Variants in NKAIN2 observed in about 807,000 individuals in gnomAD.
NKAIN2 encodes sodium/potassium-transporting ATPase subunit beta-1-interacting protein 2.
NKAIN2 carries 14 observed loss-of-function variants against 32.6 expected under a neutral mutation model. That is an observed-to-expected ratio of 0.43 (90% confidence interval 0.28 to 0.67). The LOEUF is 0.67. Among genes scored for constraint, NKAIN2 ranks in the 30% least tolerant of loss-of-function variants. The pLI is 0.17. For synonymous variants in NKAIN2, 80 were observed against 87.2 expected (o/e 0.92, Z 0.46); for missense variants, 198 against 258.3 (o/e 0.77, Z 1.60).
intron 1 of NKAIN2, among the ~76,000 whole-genome samples, chr6:124,083,099 CGTAT>C (rs201422511): frequency 0.035 from 5,285 of 151,860 alleles, 276 homozygotes; most frequent in African/African-American, 0.12. Context: ...AGACTTTATA[CGTAT>C]ACCAAAGGAA....
intron 4 of NKAIN2, among the ~76,000 whole-genome samples, chr6:124,777,497 G>A (rs551042750): frequency 1.3e-5 from 2 of 152,212 alleles, no homozygotes; most frequent in Admixed American, 6.5e-5. Flanking sequence ...GTGATTGTGA[G>A]GAGTAAGAAT....
chr6:124,030,578 C>T (rs986269830), intron 1 of NKAIN2, among the ~76,000 whole-genome samples: 3 of 152,162 alleles, frequency 2.0e-5, no homozygotes, highest in Non-Finnish European at 4.4e-5. Context: ...AAAGTATTTA[C>T]AGTCTTTTCT....
chr6:124,790,807 A>G (rs1239448232), intron 4 of NKAIN2, among the ~76,000 whole-genome samples: 2 of 152,038 alleles, frequency 1.3e-5, no homozygotes, highest in Non-Finnish European at 2.9e-5. Flanking sequence ...CCATCTCGTC[A>G]CTTCTCTGTA....
chr6:123,946,280 T>C (rs1562271773), intron 1 of NKAIN2, among the ~76,000 whole-genome samples: 1 of 152,162 alleles, frequency 6.6e-6, no homozygotes, highest in Non-Finnish European at 1.5e-5. Context: ...TTAATTTCTC[T>C]GAAATTGTTT....
intron 1 of NKAIN2, among the ~76,000 whole-genome samples, chr6:124,080,070 G>A (rs930241519): frequency 1.3e-5 from 2 of 152,094 alleles, no homozygotes; most frequent in African/African-American, 2.4e-5. Flanking sequence ...ATAGATTAAC[G>A]CCCATGGGAG....
At position 124,091,790 on chromosome 6, in the gene NKAIN2, A is replaced by G. The variant is rs539287623; in HGVS notation, c.55-191215A>G. 2.0e-5 allele frequency among the ~76,000 whole-genome samples: 3 copies of G among 152,050 alleles called. 1 individual carries two copies. The South Asian group carries it at 6.2e-4, about 32-fold the overall frequency. On this transcript the variant is annotated intron_variant, in intron 1 of 6. Coordinates refer to ENST00000368417, the MANE Select transcript of NKAIN2 (RefSeq NM_001040214.3). Reference sequence around the variant, plus strand: ...TTGTTTACCTTCGGTAGTCCTCTTTATCATGTGCATTGAAGTCCACCTTTT... The same window carrying G: ...TTGTTTACCTTCGGTAGTCCTCTTTGTCATGTGCATTGAAGTCCACCTTTT...
At chr6:124,658,713 G>A (rs987949559) in intron 4 of NKAIN2, 6 of 490,848 alleles carry the variant, frequency 1.2e-5, no homozygotes, top group South Asian at 4.0e-5. Flanking sequence ...TTTTCATAAC[G>A]TTCTACAGTA....
chr6:124,758,208 C>A (rs1230109317), intron 4 of NKAIN2, among the ~76,000 whole-genome samples: 2 of 152,120 alleles, frequency 1.3e-5, no homozygotes, highest in African/African-American at 4.8e-5. Flanking sequence ...CTTGCCTCCC[C>A]CTTGACTTTC....
Position 124,201,223 on chromosome 6 carries a change from C to T in NKAIN2, c.55-81782C>T, listed in dbSNP as rs377611610. Among the ~76,000 whole-genome samples, 22 of 152,128 alleles carry T rather than the reference C, an allele frequency of 1.4e-4. 1 individual carries two copies. The highest frequency in any genetic ancestry group is 5.3e-4 in the African/African-American group (22 of 41,534). ...AGACTTACACACCATGCTGTTACCTCTCCATGGCATGTGGTGGGGGGGCGA... is the reference window on the plus strand; with the variant it reads ...AGACTTACACACCATGCTGTTACCTTTCCATGGCATGTGGTGGGGGGGCGA... On this transcript the variant is annotated intron_variant, in intron 1 of 6. Transcript: ENST00000368417.
At chr6:124,793,987 C>T (rs1259827670) in intron 5 of NKAIN2, among the ~76,000 whole-genome samples, 1 of 152,106 alleles carries the variant, frequency 6.6e-6, no homozygotes, top group East Asian at 1.9e-4. Context: ...TAGTTCAAAT[C>T]CTACAAGAAG....
At chr6:124,404,177 G>A (rs1473962683) in intron 3 of NKAIN2, among the ~76,000 whole-genome samples, 2 of 151,958 alleles carry the variant, frequency 1.3e-5, no homozygotes, top group Non-Finnish European at 2.9e-5. Context: ...CTTGCCTGGG[G>A]GTGCTGCAAG....
At position 124,773,894 on chromosome 6, in the gene NKAIN2, A is replaced by G. The variant is rs1322966934; in HGVS notation, c.475-17445A>G. ...AAATATTGCATGCCTAAAAGCTGCC[A>G]TGGGCTTCTATTTTCAAGTAATAAC... On this transcript the variant is annotated intron_variant, in intron 4 of 6. Coordinates refer to ENST00000368417, the MANE Select transcript of NKAIN2 (RefSeq NM_001040214.3). 2.0e-5 allele frequency among the ~76,000 whole-genome samples: 3 copies of G among 152,194 alleles called. No individual in the cohort carries two copies. In the East Asian group the frequency reaches 5.8e-4, roughly 29 times the overall value.
In NKAIN2 at chr6:124,658,640, A is replaced by G. The variant is rs559752510; in HGVS notation, c.474+254A>G. On this transcript the variant is annotated intron_variant, in intron 4 of 6. Coordinates refer to ENST00000368417, the MANE Select transcript of NKAIN2 (RefSeq NM_001040214.3). ...TTTACATAGGAAATCCAATCAGTCA[A>G]GATGTGATTACGTGACTTTTGGTAG... 3.3e-4 allele frequency: 283 copies of G among 860,140 alleles called. 1 individual carries two copies. The highest frequency in any genetic ancestry group is 4.3e-4 in the Non-Finnish European group (252 of 581,926). 53.3% of individuals were successfully genotyped at this position (860,140 alleles called of 1,614,324 possible).
Position 123,900,699 on chromosome 6 carries a change from T to C in NKAIN2, c.54+96445T>C, listed in dbSNP as rs189960872. ...GGCAATGAAGAAATTTGGAGAATAG[T>C]TTCTCTAGAGATTGACTTTAAAAGC... On this transcript the variant is annotated intron_variant, in intron 1 of 6. Transcript: ENST00000368417. Among the ~76,000 whole-genome samples the C allele has an allele frequency of 2.2e-4, 34 of 151,866 alleles. No homozygotes were observed. The East Asian group carries it at 6.4e-3, about 29-fold the overall frequency.
chr6:123,933,288 A>G (rs1382707612), intron 1 of NKAIN2, among the ~76,000 whole-genome samples: 1 of 152,206 alleles, frequency 6.6e-6, no homozygotes, highest in African/African-American at 2.4e-5. Flanking sequence ...AATTGTTAAC[A>G]TATATTTTAC....
At chr6:124,716,691 C>T (rs375079871) in intron 4 of NKAIN2, among the ~76,000 whole-genome samples, 6 of 152,226 alleles carry the variant, frequency 3.9e-5, no homozygotes, top group Admixed American at 6.5e-5. Flanking sequence ...CTGCCCTTCC[C>T]GCTGACTAGA....
intron 1 of NKAIN2, among the ~76,000 whole-genome samples, chr6:123,810,044 T>C (rs1479926820): frequency 3.3e-5 from 5 of 152,212 alleles, no homozygotes; most frequent in South Asian, 2.1e-4. Context: ...TATTATTTAT[T>C]GGAAGCTTGT....
intron 3 of NKAIN2, among the ~76,000 whole-genome samples, chr6:124,637,634 T>C (rs544978574): frequency 6.6e-6 from 1 of 151,788 alleles, no homozygotes; most frequent in African/African-American, 2.4e-5. Flanking sequence ...ACAAAGTAGG[T>C]AAGAAAGAAA....
intron 1 of NKAIN2, among the ~76,000 whole-genome samples, chr6:123,974,229 A>G (rs1778456020): frequency 6.6e-6 from 1 of 152,200 alleles, no homozygotes; most frequent in Non-Finnish European, 1.5e-5. Flanking sequence ...GTGCCATTAT[A>G]CTTTCCAAAA....
Sources: allele counts gnomAD v4.1 joint callset (sites outside exome capture counted in the v4.1 genomes callset), GRCh38; gene constraint gnomAD v4.1.1; transcripts MANE v1.5; gene names NCBI Gene and HGNC (gene_info 2026-07-23, HGNC 2026-07-21).